The following C12orf50 variants were observed in gnomAD, a reference collection of about 807,000 sequenced individuals.
The protein encoded by C12orf50 is uncharacterized protein C12orf50.
Under a neutral mutation model 61.6 loss-of-function variants are expected in C12orf50, and 35 were observed. The ratio of observed to expected loss-of-function variants is 0.57; its 90% confidence interval spans 0.43 to 0.75. C12orf50 has a LOEUF of 0.75. Among genes scored for constraint, C12orf50 ranks in the 30% least tolerant of loss-of-function variants. The pLI, the probability that C12orf50 is intolerant of heterozygous loss-of-function variation, is 0.00. For synonymous variants in C12orf50, 178 were observed against 161.5 expected (o/e 1.10, Z -0.77); for missense variants, 475 against 488.5 (o/e 0.97, Z 0.26).
Position 87,986,091 on chromosome 12 carries a change from G to A in C12orf50, c.923-38C>T, listed in dbSNP as rs1376779787. 7 of 1,593,312 alleles carry A rather than the reference G, an allele frequency of 4.4e-6. No individual in the cohort carries two copies. In the Admixed American group the frequency reaches 1.2e-4, roughly 27 times the overall value. On this transcript the variant is annotated intron_variant, in intron 10 of 12. Transcript: ENST00000298699. ...GTGGGAGGGAGTGAGGAATAAAACA[G>A]GCTGGTTTCACACCCATAAATAACA...
At chr12:87,995,819 A>T (rs2031360121) in intron 6 of C12orf50, among the ~76,000 whole-genome samples, 1 of 152,212 alleles carries the variant, frequency 6.6e-6, no homozygotes, top group Admixed American at 6.5e-5. Flanking sequence ...AGTTCGCTAC[A>T]AAACAGACTT....
chr12:88,013,943 C>T (rs751999000), intron 3 of C12orf50, among the ~76,000 whole-genome samples: 5 of 152,014 alleles, frequency 3.3e-5, no homozygotes, highest in East Asian at 3.9e-4. Context: ...ATTGGGTATC[C>T]GGGCTTCTGA....
At chr12:87,994,381 C>T (rs1592655103) in intron 7 of C12orf50, among the ~76,000 whole-genome samples, 1 of 151,492 alleles carries the variant, frequency 6.6e-6, no homozygotes, top group Admixed American at 6.6e-5. Context: ...CACACACATA[C>T]ATGCACACAC....
In C12orf50 at chr12:87,980,345, T is replaced by A. The variant is rs762779895; in HGVS notation, c.1231A>T (p.Asn411Tyr). ...SEKIYPEPRR[N>Y]GSK ...AACCTCCAGGTTTACTTGCTCCCAT[T>A]TCTTCTTGGCTCTAATAATAAAATA... Residue 411 changes from asparagine to tyrosine, a missense_variant, in exon 13 of 13, where the codon AAT becomes TAT. Transcript: ENST00000298699. The A allele has an allele frequency of 5.6e-6, 9 of 1,610,064 alleles. No homozygotes were observed. Among genetic ancestry groups the A allele is most frequent in the Non-Finnish European group, 7.6e-6 (9 of 1,177,372 alleles).
At chr12:88,024,869 A>G (rs1395133063) in intron 3 of C12orf50, among the ~76,000 whole-genome samples, 2 of 152,194 alleles carry the variant, frequency 1.3e-5, no homozygotes, top group African/African-American at 4.8e-5. Context: ...TAAATGTGTC[A>G]AATCCTGCTC....
intron 3 of C12orf50, among the ~76,000 whole-genome samples, chr12:87,998,880 A>G (rs1208653515): frequency 6.6e-6 from 1 of 152,238 alleles, no homozygotes; most frequent in African/African-American, 2.4e-5. Context: ...ATTTTCAACA[A>G]ATGTTGCCGG....
At chr12:88,021,896 C>T (rs879941453) in intron 3 of C12orf50, among the ~76,000 whole-genome samples, 9 of 152,042 alleles carry the variant, frequency 5.9e-5, no homozygotes, top group East Asian at 1.9e-4. Flanking sequence ...GATTCATAGC[C>T]GAGTTATATC....
At chr12:87,994,868 G>T in intron 6 of C12orf50, 125 bp from the exon 7 acceptor site, 1 of 603,534 alleles carries the variant, frequency 1.7e-6, no homozygotes, top group Non-Finnish European at 2.9e-6. Flanking sequence ...TTTGCACAGT[G>T]ATCTGATAAA....
At chr12:88,029,046 T>G (rs745561398) in intron 1 of C12orf50, 7 of 1,235,976 alleles carry the variant, frequency 5.7e-6, no homozygotes, top group Non-Finnish European at 7.3e-6. Context: ...TGTGAAGTAC[T>G]GTCAATTGTA....
At chr12:88,018,836 T>C (rs2032408268) in intron 3 of C12orf50, among the ~76,000 whole-genome samples, 1 of 152,236 alleles carries the variant, frequency 6.6e-6, no homozygotes, top group South Asian at 2.1e-4. Context: ...CCCTTTGTTT[T>C]GCCCAGTTTC....
At chr12:88,004,239 G>T (rs997088467) in intron 3 of C12orf50, among the ~76,000 whole-genome samples, 5 of 151,990 alleles carry the variant, frequency 3.3e-5, no homozygotes, top group Admixed American at 6.6e-5. Context: ...ATCATTGTCT[G>T]CTCATGAACA....
At chr12:88,029,189 C>A in intron 1 of C12orf50, 151 bp downstream of exon 1, 3 of 932,260 alleles carry the variant, frequency 3.2e-6, no homozygotes, top group Non-Finnish European at 1.5e-6. Context: ...TTCAGGAATG[C>A]AAATACAAGA....
chr12:87,982,983 T>C, intron 12 of C12orf50, 120 bp downstream of exon 12: 1 of 482,282 alleles, frequency 2.1e-6, no homozygotes. Flanking sequence ...AGTAATTAAG[T>C]GTGCATGTAT....
chr12:87,980,448 TA>T, intron 12 of C12orf50, 92 bp from the exon 13 acceptor site: 1 of 1,125,972 alleles, frequency 8.9e-7, no homozygotes, highest in Non-Finnish European at 1.3e-6. Flanking sequence ...GCCGTAAATC[TA>T]AAGGCAAAGA....
chr12:87,990,845 CT>C (rs146347038), intron 7 of C12orf50, among the ~76,000 whole-genome samples: 4,305 of 152,186 alleles, frequency 0.028, 217 homozygotes, highest in African/African-American at 0.097. Flanking sequence ...ATAAAACTCC[CT>C]TTAAACTGTT....
intron 3 of C12orf50, among the ~76,000 whole-genome samples, chr12:88,006,782 G>T (rs1006261819): frequency 1.3e-5 from 2 of 152,296 alleles, no homozygotes; most frequent in Non-Finnish European, 2.9e-5. Context: ...CCCCAGAAAG[G>T]TACTATAGTT....
At chr12:87,995,572 A>T (rs1006897705) in intron 6 of C12orf50, among the ~76,000 whole-genome samples, 1 of 152,214 alleles carries the variant, frequency 6.6e-6, no homozygotes, top group African/African-American at 2.4e-5. Flanking sequence ...AACTATTTAA[A>T]AATAAACAGC....
At chr12:87,983,014 C>A in intron 12 of C12orf50, 89 bp downstream of exon 12, 2 of 691,164 alleles carry the variant, frequency 2.9e-6, no homozygotes, top group Non-Finnish European at 4.6e-6. Context: ...TTTTATTTAT[C>A]TTCATGTTTT....
intron 3 of C12orf50, among the ~76,000 whole-genome samples, chr12:88,011,693 A>T (rs575563764): frequency 1.4e-4 from 22 of 152,170 alleles, no homozygotes; most frequent in Non-Finnish European, 2.5e-4. Context: ...ATATTTGCCT[A>T]TTCTGCTTCC....
Sources: gnomAD v4.1 joint callset for allele counts (sites outside exome capture counted in the v4.1 genomes callset) on GRCh38, gnomAD v4.1.1 for gene constraint, MANE v1.5 for transcripts, NCBI Gene and HGNC (gene_info 2026-07-23, HGNC 2026-07-21) for gene names.